PRIM2: variants seen among roughly 807,000 people sequenced by gnomAD.
PRIM2 encodes the protein DNA primase large subunit.
PRIM2 carries 39 observed loss-of-function variants against 67.3 expected under a neutral mutation model. That is an observed-to-expected ratio of 0.58 (90% CI 0.45 to 0.76). The LOEUF is 0.76. Among genes scored for constraint, PRIM2 ranks in the 30% least tolerant of loss-of-function variants. The pLI, the probability that PRIM2 is intolerant of heterozygous loss-of-function variation, is 0.00. For missense variants in PRIM2, 398 were observed against 598.7 expected (o/e 0.66, Z 3.50); for synonymous variants, 143 against 198.7 (o/e 0.72, Z 2.36).
At chr6:57,420,138 CATTTTCT>C (rs1771418683) in intron 7 of PRIM2, among the ~76,000 whole-genome samples, 1 of 152,098 alleles carries the variant, frequency 6.6e-6, no homozygotes, top group Non-Finnish European at 1.5e-5. Context: ...CAGTGATGGC[CATTTTCT>C]ATTAATAATT....
At chr6:57,299,154 T>C in the PRIM2 span, among the ~76,000 whole-genome samples, 1 of 152,142 alleles carries the variant, frequency 6.6e-6, no homozygotes, top group Non-Finnish European at 1.5e-5. Context: ...ATGCCCTTTA[T>C]AAACAATAAT....
At chr6:57,555,643 C>G (rs1239161951) in intron 10 of PRIM2, among the ~76,000 whole-genome samples, 1 of 152,054 alleles carries the variant, frequency 6.6e-6, no homozygotes, top group Non-Finnish European at 1.5e-5. Flanking sequence ...GGTATAATTA[C>G]CTGGATTTTG....
At chr6:57,489,107 C>T (rs1296949299) in intron 7 of PRIM2, among the ~76,000 whole-genome samples, 3 of 152,214 alleles carry the variant, frequency 2.0e-5, no homozygotes, top group African/African-American at 7.2e-5. Flanking sequence ...AGTGGGCTTC[C>T]CAAGGGTCCT....
intron 5 of PRIM2, among the ~76,000 whole-genome samples, chr6:57,333,257 T>A (rs1269532423): frequency 2.0e-5 from 3 of 152,184 alleles, no homozygotes; most frequent in Non-Finnish European, 4.4e-5. Flanking sequence ...AAAATGTATT[T>A]ATAATACTGT....
At chr6:57,550,518 T>A (rs1775381399) in intron 10 of PRIM2, among the ~76,000 whole-genome samples, 1 of 152,148 alleles carries the variant, frequency 6.6e-6, no homozygotes, top group African/African-American at 2.4e-5. Flanking sequence ...TGGCAAAAAT[T>A]AGCTTTAGTA....
chr6:57,447,108 C>A (rs77106652), intron 7 of PRIM2, among the ~76,000 whole-genome samples: 3,376 of 152,284 alleles, frequency 0.022, 105 homozygotes, highest in South Asian at 0.071. Context: ...TGCTTAAAAT[C>A]TTCTTTCTGC....
Position 57,330,348 on chromosome 6 carries a change from G to GTTTTTT in PRIM2, c.459+4310_459+4315dup, listed in dbSNP as rs1238317111. Reference sequence around the variant, plus strand: ...TGTATCCTGCAACCTTGCTGAACTTGTTTTTTTTTTTTGTTTTTGTTTTTT... The same window carrying GTTTTTT: ...TGTATCCTGCAACCTTGCTGAACTTGTTTTTTTTTTTTTTTTTTGTTTTTGTTTTTT... On this transcript the variant is annotated intron_variant, in intron 5 of 13. Transcript: ENST00000615550. Among the ~76,000 whole-genome samples the GTTTTTT allele has an allele frequency of 3.8e-4, 33 of 87,742 alleles. 2 individuals carry two copies. Among genetic ancestry groups the GTTTTTT allele is most frequent in the African/African-American group, 8.5e-4 (17 of 20,086 alleles). The allele number at this position is 87,742 out of a possible 152,430, so 57.6% of individuals were successfully genotyped here. A position where few individuals can be genotyped will look rare whatever the true frequency, so the allele number is the denominator to read the frequency against.
chr6:57,284,880 G>C, the PRIM2 span, among the ~76,000 whole-genome samples: 4 of 152,014 alleles, frequency 2.6e-5, no homozygotes, highest in Admixed American at 2.0e-4. Context: ...TAGACCACTA[G>C]CCAGACTAAT....
intron 12 of PRIM2, among the ~76,000 whole-genome samples, chr6:57,627,374 C>T (rs1776968929): frequency 1.4e-5 from 2 of 143,990 alleles, no homozygotes; most frequent in Non-Finnish European, 3.0e-5. Flanking sequence ...GTCATTGCTA[C>T]TCACTTTTTC....
chr6:57,636,323 G>T (rs1206892106), intron 13 of PRIM2, among the ~76,000 whole-genome samples: 1 of 152,052 alleles, frequency 6.6e-6, no homozygotes. Context: ...ATTTAGATGT[G>T]GATACCTCTA....
At chr6:57,395,505 G>T (rs1562729094) in intron 7 of PRIM2, among the ~76,000 whole-genome samples, 1 of 152,162 alleles carries the variant, frequency 6.6e-6, no homozygotes, top group Non-Finnish European at 1.5e-5. Context: ...GTCAGTTGTA[G>T]TATCTCCTGT....
At chr6:57,315,245 A>G (rs1446899979), upstream of PRIM2, among the ~76,000 whole-genome samples, 10 of 152,246 alleles carry the variant, frequency 6.6e-5, no homozygotes, top group Admixed American at 2.0e-4. Context: ...AACTAGCCAC[A>G]TATGGTGATC....
the PRIM2 span, among the ~76,000 whole-genome samples, chr6:57,280,589 A>C: frequency 1.3e-5 from 2 of 152,040 alleles, no homozygotes; most frequent in Non-Finnish European, 2.9e-5. Context: ...GGCTCACTGC[A>C]ACCTCCGCCT....
chr6:57,326,567 A>C (rs1341064370), intron 5 of PRIM2, among the ~76,000 whole-genome samples: 2 of 152,104 alleles, frequency 1.3e-5, no homozygotes, highest in Non-Finnish European at 2.9e-5. Context: ...CAAAAAATAC[A>C]AAAATTAGCC....
intron 10 of PRIM2, among the ~76,000 whole-genome samples, chr6:57,599,126 T>C (rs1582012724): frequency 1.6e-5 from 1 of 64,088 alleles, no homozygotes; most frequent in Non-Finnish European, 2.9e-5. Flanking sequence ...TTTTGTATTT[T>C]TAGTAGAGAC....
At chr6:57,461,620 A>T (rs1773004702) in intron 7 of PRIM2, among the ~76,000 whole-genome samples, 1 of 152,068 alleles carries the variant, frequency 6.6e-6, no homozygotes, top group Non-Finnish European at 1.5e-5. Flanking sequence ...TTTAATTTTC[A>T]ATGTATGTAT....
At chr6:57,233,632 T>G in the PRIM2 span, among the ~76,000 whole-genome samples, 1 of 100,080 alleles carries the variant, frequency 1.0e-5, no homozygotes, top group South Asian at 4.2e-4. Context: ...TTCCCTTTCC[T>G]CCCTCCCTCC....
intron 8 of PRIM2, among the ~76,000 whole-genome samples, chr6:57,529,665 G>A (rs1168178796): frequency 6.6e-6 from 1 of 152,150 alleles, no homozygotes; most frequent in Non-Finnish European, 1.5e-5. Flanking sequence ...ATGTGTTTTA[G>A]GATATGGTCT....
At chr6:57,453,584 G>C (rs1772638687) in intron 7 of PRIM2, among the ~76,000 whole-genome samples, 3 of 152,104 alleles carry the variant, frequency 2.0e-5, no homozygotes, top group Non-Finnish European at 4.4e-5. Flanking sequence ...TTGGCTCTCT[G>C]TTTGTCTGTT....
Sources: gnomAD v4.1 joint callset for allele counts (sites outside exome capture counted in the v4.1 genomes callset) on GRCh38, gnomAD v4.1.1 for gene constraint, MANE v1.5 for transcripts, NCBI Gene and HGNC (gene_info 2026-07-23, HGNC 2026-07-21) for gene names.